Variants in DOCK3 observed in about 807,000 individuals in gnomAD.
DOCK3 encodes the protein dedicator of cytokinesis 3.
In DOCK3, 60 loss-of-function variants were observed where a neutral mutation model predicts 265.6. The ratio of observed to expected loss-of-function variants is 0.23; its 90% CI spans 0.18 to 0.28. The LOEUF (loss-of-function observed/expected upper bound fraction) is 0.28. DOCK3 is among the 10% of genes least tolerant of loss of function. DOCK3 has a pLI of 1.00. For synonymous variants in DOCK3, 881 were observed against 938.0 expected, an observed-to-expected ratio of 0.94 and a Z score of 1.11; for missense variants, 1,981 against 2,594.3, an observed-to-expected ratio of 0.76 and a Z score of 5.14.
At chr3:50,690,135 C>CT (rs540586646) in intron 1 of DOCK3, among the ~76,000 whole-genome samples, 13,913 of 139,688 alleles carry the variant, frequency 0.1, 804 homozygotes, top group Non-Finnish European at 0.13. Flanking sequence ...CTATTTTTAC[C>CT]TTTTTTTTTT....
intron 5 of DOCK3, among the ~76,000 whole-genome samples, chr3:51,043,248 A>G (rs141051608): frequency 2.0e-5 from 3 of 152,328 alleles, no homozygotes; most frequent in African/African-American, 7.2e-5. Context: ...ACACAGACCA[A>G]TGGAACAGAA....
intron 5 of DOCK3, among the ~76,000 whole-genome samples, chr3:51,030,340 C>A (rs2079995895): frequency 6.6e-6 from 1 of 152,106 alleles, no homozygotes; most frequent in Non-Finnish European, 1.5e-5. Flanking sequence ...AATTGAATCC[C>A]AGATATCACG....
intron 5 of DOCK3, among the ~76,000 whole-genome samples, chr3:50,994,418 C>T (rs1013901858): frequency 2.0e-5 from 3 of 152,116 alleles, no homozygotes; most frequent in African/African-American, 7.2e-5. Flanking sequence ...TATTAAGTAC[C>T]TTACCCATTC....
chr3:50,861,944 G>A (rs1282483696), intron 3 of DOCK3, among the ~76,000 whole-genome samples: 1 of 147,930 alleles, frequency 6.8e-6, no homozygotes, highest in Non-Finnish European at 1.5e-5. Context: ...ATACTGCTAT[G>A]TAAGGTTTTG....
At chr3:50,678,833 G>A (rs1225088757) in intron 1 of DOCK3, among the ~76,000 whole-genome samples, 1 of 151,630 alleles carries the variant, frequency 6.6e-6, no homozygotes, top group South Asian at 2.1e-4. Flanking sequence ...TTTTTGAGAC[G>A]GAGTCTTGCT....
chr3:51,037,552 T>A (rs1575839622), intron 5 of DOCK3, among the ~76,000 whole-genome samples: 1 of 152,316 alleles, frequency 6.6e-6, no homozygotes, highest in East Asian at 1.9e-4. Flanking sequence ...ATATACACTA[T>A]CTTTGCCTTC....
At chr3:50,978,531 A>T in intron 5 of DOCK3, among the ~76,000 whole-genome samples, 1 of 152,156 alleles carries the variant, frequency 6.6e-6, no homozygotes, top group Non-Finnish European at 1.5e-5. Context: ...TACTGGGAGA[A>T]CCACTGCTCT....
chr3:50,861,571 A>G (rs937452575), intron 3 of DOCK3, among the ~76,000 whole-genome samples: 4 of 151,788 alleles, frequency 2.6e-5, no homozygotes, highest in Non-Finnish European at 2.9e-5. Flanking sequence ...TCTTTTTGTA[A>G]TTTTGGTAGT....
intron 32 of DOCK3, among the ~76,000 whole-genome samples, chr3:51,324,353 A>G (rs1446731682): frequency 6.6e-6 from 1 of 152,248 alleles, no homozygotes; most frequent in Non-Finnish European, 1.5e-5. Flanking sequence ...ACCTAGGAAT[A>G]CAAATTATAA....
At chr3:51,333,807 G>A (rs1392392163) in intron 35 of DOCK3, among the ~76,000 whole-genome samples, 1 of 152,078 alleles carries the variant, frequency 6.6e-6, no homozygotes, top group Non-Finnish European at 1.5e-5. Context: ...TGTGAGCTCA[G>A]AGATCTTCAT....
intron 12 of DOCK3, among the ~76,000 whole-genome samples, chr3:51,189,970 G>A (rs1010085895): frequency 6.6e-6 from 1 of 152,190 alleles, no homozygotes; most frequent in African/African-American, 2.4e-5. Flanking sequence ...TGTGTCTGTA[G>A]TGGTGATGAG....
intron 37 of DOCK3, among the ~76,000 whole-genome samples, chr3:51,340,477 C>G (rs543444258): frequency 5.9e-5 from 9 of 152,266 alleles, no homozygotes; most frequent in African/African-American, 1.9e-4. Context: ...GTGGGCCTAG[C>G]TAAAACTGGA....
chr3:51,042,515 C>T (rs1196712103), intron 5 of DOCK3, among the ~76,000 whole-genome samples: 1 of 152,094 alleles, frequency 6.6e-6, no homozygotes, highest in East Asian at 1.9e-4. Context: ...TGGAAGCATT[C>T]CCCTTGAAAA....
chr3:50,748,797 T>C (rs1280907907), intron 1 of DOCK3, among the ~76,000 whole-genome samples: 1 of 152,192 alleles, frequency 6.6e-6, no homozygotes, highest in Non-Finnish European at 1.5e-5. Context: ...GCACCTTGGA[T>C]ACTGGGAAAG....
chr3:51,198,201 T>G (rs150465061), intron 12 of DOCK3, among the ~76,000 whole-genome samples: 4 of 152,196 alleles, frequency 2.6e-5, no homozygotes, highest in African/African-American at 9.6e-5. Flanking sequence ...TCAGGGGAAG[T>G]TGGAGAAGCA....
Position 50,819,782 on chromosome 3 carries a change from C to T in DOCK3, c.122-21893C>T, listed in dbSNP as rs184267932. On this transcript the variant is annotated intron_variant, in intron 2 of 52. Coordinates refer to ENST00000266037, the MANE Select transcript of DOCK3 (RefSeq NM_004947.5). ...TTTGAGACCAGCCTGGCCAACATGG[C>T]GAAACCCCGTCTCTACTAAAAATAC... is the stretch of plus-strand genomic sequence containing the variant. Among the ~76,000 whole-genome samples, 506 of 152,050 alleles carry T rather than the reference C, an allele frequency of 3.3e-3. 4 individuals are homozygous for T. The Middle Eastern group carries it at 0.037, about 11-fold the overall frequency.
At chr3:51,196,025 T>C (rs1004274269) in intron 12 of DOCK3, among the ~76,000 whole-genome samples, 1 of 152,026 alleles carries the variant, frequency 6.6e-6, no homozygotes, top group Admixed American at 6.6e-5. Flanking sequence ...AGCCTCAACT[T>C]CCCAGGCTCA....
chr3:51,142,056 C>G (rs896588011), intron 9 of DOCK3, among the ~76,000 whole-genome samples: 4 of 151,464 alleles, frequency 2.6e-5, no homozygotes, highest in Non-Finnish European at 4.4e-5. Context: ...AAAACCACAG[C>G]TTATTTGTAT....
intron 27 of DOCK3, among the ~76,000 whole-genome samples, chr3:51,289,106 C>T (rs868351856): frequency 1.3e-5 from 2 of 152,072 alleles, no homozygotes; most frequent in Non-Finnish European, 1.5e-5. Context: ...GAATTCTACA[C>T]AGCCATAAAA....
Sources: allele counts gnomAD v4.1 joint callset (sites outside exome capture counted in the v4.1 genomes callset), GRCh38; gene constraint gnomAD v4.1.1; transcripts MANE v1.5; gene names NCBI Gene and HGNC (gene_info 2026-07-23, HGNC 2026-07-21).